WWOX: variants seen among roughly 807,000 people sequenced by gnomAD.
The protein encoded by WWOX is WW domain-containing oxidoreductase.
A neutral mutation model predicts 46.2 loss-of-function variants in WWOX; 69 were observed. That is an observed-to-expected ratio of 1.49 (90% confidence interval 1.23 to 1.82). WWOX has a LOEUF of 1.82. Ranked by LOEUF, WWOX falls within the 40% of genes most tolerant of loss-of-function variation. The probability of loss-of-function intolerance (pLI) is 0.00; values close to 1 mark genes in which losing one functional copy is unlikely to be tolerated. For missense variants in WWOX, 919 were observed against 542.6 expected (o/e 1.69, Z -6.89); for synonymous variants, 359 against 202.6 (o/e 1.77, Z -6.56).
chr16:78,753,555 A>AT (rs1472725525), intron 8 of WWOX, among the ~76,000 whole-genome samples: 1 of 151,092 alleles, frequency 6.6e-6, no homozygotes, highest in Non-Finnish European at 1.5e-5. Flanking sequence ...ATCCCATCAC[A>AT]TTGGGAGGCC....
At chr16:78,320,474 G>A (rs1006867807) in intron 5 of WWOX, among the ~76,000 whole-genome samples, 3 of 152,148 alleles carry the variant, frequency 2.0e-5, no homozygotes, top group African/African-American at 7.2e-5. Context: ...TCCAGAAATA[G>A]TTTGGTTAAT....
At chr16:78,439,229 C>G (rs921983343) in intron 8 of WWOX, among the ~76,000 whole-genome samples, 1 of 152,136 alleles carries the variant, frequency 6.6e-6, no homozygotes, top group African/African-American at 2.4e-5. Context: ...CTTCATGAAT[C>G]TAAACATTTT....
chr16:78,326,126 A>C (rs770499924), intron 5 of WWOX, among the ~76,000 whole-genome samples: 4 of 152,184 alleles, frequency 2.6e-5, no homozygotes, highest in Non-Finnish European at 4.4e-5. Flanking sequence ...GGGCTCTTAG[A>C]AACTTTGTAC....
At position 79,212,077 on chromosome 16, in the gene WWOX, T is replaced by C. The variant is rs756540198; in HGVS notation, c.*281T>C. 2.3e-5 allele frequency: 35 copies of C among 1,536,330 alleles called. 2 individuals carry two copies. The South Asian group carries it at 3.9e-4, about 17-fold the overall frequency. ...AAACCTGCTTGGTGTGTAGGTTCCG[T>C]ATCTCCCTGGAGAAGCACCAGCAAT... is the stretch of plus-strand genomic sequence containing the variant. On this transcript the variant is annotated 3_prime_UTR_variant, in exon 9 of 9. Transcript: ENST00000566780.
intron 8 of WWOX, among the ~76,000 whole-genome samples, chr16:78,498,219 G>GAAAAGA (rs2084967695): frequency 4.5e-5 from 2 of 44,874 alleles, no homozygotes; most frequent in Admixed American, 2.8e-4. Flanking sequence ...AAAAAAAAAA[G>GAAAAGA]AAAAAAAAGC....
intron 6 of WWOX, among the ~76,000 whole-genome samples, chr16:78,410,714 G>T (rs1219735956): frequency 6.6e-6 from 1 of 150,638 alleles, no homozygotes; most frequent in East Asian, 2.0e-4. Flanking sequence ...GCTAAGGCTG[G>T]AGAACAGCTT....
intron 5 of WWOX, among the ~76,000 whole-genome samples, chr16:78,323,170 C>CT (rs2080526322): frequency 1.3e-5 from 2 of 152,052 alleles, no homozygotes; most frequent in Non-Finnish European, 2.9e-5. Context: ...TACAGTGGCA[C>CT]GATCTCAGCT....
chr16:78,611,560 C>G (rs2045900944), intron 8 of WWOX, among the ~76,000 whole-genome samples: 1 of 152,150 alleles, frequency 6.6e-6, no homozygotes, highest in Non-Finnish European at 1.5e-5. Flanking sequence ...CAGTACTGCC[C>G]TAAGCAAGAC....
chr16:79,085,116 T>C (rs528227578), intron 8 of WWOX, among the ~76,000 whole-genome samples: 22 of 152,308 alleles, frequency 1.4e-4, no homozygotes, highest in Non-Finnish European at 2.4e-4. Flanking sequence ...CATATATATA[T>C]ACAATATACA....
chr16:79,194,456 G>A (rs568314247), intron 8 of WWOX, among the ~76,000 whole-genome samples: 3 of 152,144 alleles, frequency 2.0e-5, no homozygotes, highest in African/African-American at 7.2e-5. Flanking sequence ...GATGAAGAAA[G>A]GTTCTGGTTA....
chr16:78,625,768 T>G (rs2046297496), intron 8 of WWOX, among the ~76,000 whole-genome samples: 1 of 147,526 alleles, frequency 6.8e-6, no homozygotes, highest in African/African-American at 2.5e-5. Context: ...CCAATTACTT[T>G]TGCAGTTTTT....
At chr16:78,141,982 ATTTTAAATTTCTTTTTTTTTT>A (rs1481358821) in intron 4 of WWOX, among the ~76,000 whole-genome samples, 2 of 126,156 alleles carry the variant, frequency 1.6e-5, no homozygotes, top group Non-Finnish European at 3.3e-5. Flanking sequence ...TCCTTATAAA[ATTTTAAATTTCTTTTTTTTTT>A]TTTTTAAAGA....
At chr16:78,408,959 A>G (rs1261687995) in intron 6 of WWOX, among the ~76,000 whole-genome samples, 1 of 152,214 alleles carries the variant, frequency 6.6e-6, no homozygotes, top group African/African-American at 2.4e-5. Flanking sequence ...TCTACTGTAC[A>G]GATGAGAGCC....
At chr16:78,611,770 C>T (rs1465687343) in intron 8 of WWOX, among the ~76,000 whole-genome samples, 1 of 152,194 alleles carries the variant, frequency 6.6e-6, no homozygotes, top group Non-Finnish European at 1.5e-5. Context: ...GATCTCACTC[C>T]AGTATCAGCT....
intron 5 of WWOX, among the ~76,000 whole-genome samples, chr16:78,255,684 G>C (rs905481123): frequency 2.0e-5 from 3 of 152,116 alleles, no homozygotes; most frequent in Non-Finnish European, 4.4e-5. Flanking sequence ...CACCCAAGTA[G>C]AACACATCCC....
At chr16:78,444,656 G>T (rs886856730) in intron 8 of WWOX, among the ~76,000 whole-genome samples, 1 of 150,930 alleles carries the variant, frequency 6.6e-6, no homozygotes, top group African/African-American at 2.4e-5. Flanking sequence ...TCAGACTCCC[G>T]AGTAGCTAGG....
chr16:78,446,958 A>T (rs907040257), intron 8 of WWOX, among the ~76,000 whole-genome samples: 1 of 152,056 alleles, frequency 6.6e-6, no homozygotes, highest in Non-Finnish European at 1.5e-5. Flanking sequence ...ACTGCCAATT[A>T]TATACTTATT....
intron 8 of WWOX, among the ~76,000 whole-genome samples, chr16:79,087,314 G>T (rs752763983): frequency 6.6e-6 from 1 of 152,238 alleles, no homozygotes; most frequent in Non-Finnish European, 1.5e-5. Context: ...GGTTCTTCCT[G>T]TGTTGAGCAG....
intron 8 of WWOX, among the ~76,000 whole-genome samples, chr16:78,519,530 A>G (rs917372451): frequency 6.6e-6 from 1 of 151,892 alleles, no homozygotes; most frequent in Non-Finnish European, 1.5e-5. Flanking sequence ...ATAGACATAC[A>G]CAGATGCATA....
Sources: allele counts gnomAD v4.1 joint callset (sites outside exome capture counted in the v4.1 genomes callset), GRCh38; gene constraint gnomAD v4.1.1; transcripts MANE v1.5; gene names NCBI Gene and HGNC (gene_info 2026-07-23, HGNC 2026-07-21).